Variants in ARHGEF4 observed in about 807,000 individuals in gnomAD.
ARHGEF4 encodes the protein APC-stimulated guanine nucleotide exchange factor 1.
A neutral mutation model predicts 162.0 loss-of-function variants in ARHGEF4; 119 were observed. The observed-to-expected ratio is 0.73, with a 90% CI of 0.63 to 0.86. The LOEUF is 0.86. Among genes scored for constraint, ARHGEF4 ranks in the 40% least tolerant of loss-of-function variants. The pLI, the probability that ARHGEF4 is intolerant of heterozygous loss-of-function variation, is 0.00. For synonymous variants in ARHGEF4, 1,014 were observed against 979.9 expected (o/e 1.03, Z -0.65); for missense variants, 2,488 against 2,456.0 (o/e 1.01, Z -0.28).
intron 4 of ARHGEF4, among the ~76,000 whole-genome samples, chr2:130,979,437 A>G (rs1318188942): frequency 3.9e-5 from 6 of 152,150 alleles, no homozygotes; most frequent in African/African-American, 1.4e-4. Context: ...AAAAGACTGA[A>G]TTTAAAACTT....
At chr2:130,886,057 G>A (rs527998853) in intron 1 of ARHGEF4, among the ~76,000 whole-genome samples, 1 of 152,014 alleles carries the variant, frequency 6.6e-6, no homozygotes, top group East Asian at 1.9e-4. Context: ...TTTTATCAAG[G>A]CTCTTCTTTC....
intron 2 of ARHGEF4, among the ~76,000 whole-genome samples, chr2:130,927,435 C>T (rs1330532913): frequency 5.3e-5 from 8 of 152,306 alleles, no homozygotes; most frequent in Middle Eastern, 3.4e-3. Flanking sequence ...CCACTTGGCT[C>T]GGGGACATAT....
intron 4 of ARHGEF4, among the ~76,000 whole-genome samples, chr2:130,964,449 GTC>G (rs781147819): frequency 6.6e-6 from 1 of 152,038 alleles, no homozygotes; most frequent in Non-Finnish European, 1.5e-5. Flanking sequence ...CCCACTGCCT[GTC>G]TCTCTGATCC....
At chr2:130,897,237 T>C (rs1265050877) in intron 1 of ARHGEF4, among the ~76,000 whole-genome samples, 2 of 152,052 alleles carry the variant, frequency 1.3e-5, no homozygotes, top group Admixed American at 6.5e-5. Context: ...ACAAGCAGCA[T>C]GTGGATAAGT....
At chr2:131,003,616 G>A (rs143918341) in intron 4 of ARHGEF4, among the ~76,000 whole-genome samples, 6 of 152,290 alleles carry the variant, frequency 3.9e-5, no homozygotes, top group African/African-American at 1.2e-4. Context: ...AGATGGCCCC[G>A]CAGTACGTGA....
intron 4 of ARHGEF4, among the ~76,000 whole-genome samples, chr2:130,987,199 T>C (rs1280530967): frequency 6.6e-6 from 1 of 152,172 alleles, no homozygotes; most frequent in Non-Finnish European, 1.5e-5. Flanking sequence ...GGGAGCTGGC[T>C]CTGGAAGGAG....
At chr2:130,974,614 CTA>C (rs1466652868) in intron 4 of ARHGEF4, among the ~76,000 whole-genome samples, 3 of 41,672 alleles carry the variant, frequency 7.2e-5, no homozygotes, top group Non-Finnish European at 1.4e-4. Context: ...CCACACCCAG[CTA>C]TTTTTTTTTT....
Position 130,917,084 on chromosome 2 carries a change from C to G in ARHGEF4, c.3138C>G (p.Ile1046Met). 1 of 1,550,654 alleles carries G rather than the reference C, an allele frequency of 6.4e-7. No individual in the cohort carries two copies. Among genetic ancestry groups the G allele is most frequent in the South Asian group, 1.2e-5 (1 of 84,060 alleles). Residue 1046 changes from isoleucine to methionine, a missense_variant, in exon 2 of 14, where the codon ATC becomes ATG. Coordinates refer to ENST00000409359, the MANE Select transcript of ARHGEF4 (RefSeq NM_001367493.1). ...GCGGTAGGTACCTACCTTCAGGTATCTTTCCGGAAAAGTCCTGGCTGGCGT... is the reference window on the plus strand; with the variant it reads ...GCGGTAGGTACCTACCTTCAGGTATGTTTCCGGAAAAGTCCTGGCTGGCGT... ...QEGGRYLPSG[I>M]FPEKSWLASP... is the part of the protein sequence containing the mutation.
In ARHGEF4 at chr2:131,041,361, T is replaced by C; in HGVS notation, c.4794T>C (p.Ile1598=). 6.2e-7 allele frequency: 1 copy of C among 1,613,596 alleles called. No homozygotes were observed. The change falls in exon 9 of 14, where the codon ATT becomes ATC. Residue 1598 remains isoleucine, a synonymous_variant. Transcript: ENST00000409359. ...FEACRLLQKM[I]DISLDGFLLT... ...CCTGCCGGCTGCTGCAGAAGATGAT[T>C]GACATCTCCCTGGATGGCTTCCTGC...
intron 1 of ARHGEF4, among the ~76,000 whole-genome samples, chr2:130,845,816 G>T (rs889945908): frequency 2.0e-5 from 3 of 152,214 alleles, no homozygotes; most frequent in African/African-American, 7.2e-5. Context: ...GGCCGGATGG[G>T]CCTCCAGGGA....
intron 4 of ARHGEF4, among the ~76,000 whole-genome samples, chr2:130,970,387 G>A (rs1450137875): frequency 6.6e-6 from 1 of 151,832 alleles, no homozygotes; most frequent in South Asian, 2.1e-4. Flanking sequence ...TCAGGCGTTC[G>A]AGACCAGCCT....
chr2:131,045,850 CCAGAGACCCCAGG>C, intron 13 of ARHGEF4, 175 bp from the exon 14 acceptor site: 1 of 1,465,802 alleles, frequency 6.8e-7, no homozygotes, highest in Non-Finnish European at 9.0e-7. Flanking sequence ...CAGGCCCAGG[CCAGAGACCCCAGG>C]CAGCCTGAGC....
At chr2:130,899,616 G>A (rs1230746361) in intron 1 of ARHGEF4, among the ~76,000 whole-genome samples, 1 of 152,200 alleles carries the variant, frequency 6.6e-6, no homozygotes, top group East Asian at 1.9e-4. Context: ...CTCTAAGCAG[G>A]TGAGAGGGAG....
chr2:131,043,629 G>A (rs781361307), intron 11 of ARHGEF4, 46 bp downstream of exon 11: 34 of 1,612,160 alleles, frequency 2.1e-5, no homozygotes, highest in Non-Finnish European at 2.9e-5. Flanking sequence ...AGCAAGTGGA[G>A]GGAGGGGAGC....
intron 4 of ARHGEF4, among the ~76,000 whole-genome samples, chr2:131,013,740 A>G (rs1026844853): frequency 3.3e-5 from 5 of 152,208 alleles, no homozygotes; most frequent in African/African-American, 1.2e-4. Context: ...AGCTGGGATT[A>G]CAGGCGCATG....
intron 4 of ARHGEF4, among the ~76,000 whole-genome samples, chr2:130,950,615 C>T (rs757758865): frequency 6.6e-6 from 1 of 152,040 alleles, no homozygotes; most frequent in Admixed American, 6.5e-5. Flanking sequence ...TTCACAGATA[C>T]GTGCGGTCAT....
At chr2:131,015,069 G>C (rs1688689936) in intron 4 of ARHGEF4, among the ~76,000 whole-genome samples, 2 of 152,134 alleles carry the variant, frequency 1.3e-5, no homozygotes, top group Non-Finnish European at 2.9e-5. Context: ...AGGTAGGCTG[G>C]AGTCACACAC....
intron 1 of ARHGEF4, among the ~76,000 whole-genome samples, chr2:130,886,781 C>A (rs1046833162): frequency 5.3e-5 from 8 of 151,210 alleles, no homozygotes; most frequent in African/African-American, 1.9e-4. Flanking sequence ...TAATTCAATT[C>A]CTTTAATGGT....
At chr2:131,014,451 A>G (rs181400230) in intron 4 of ARHGEF4, among the ~76,000 whole-genome samples, 1 of 152,338 alleles carries the variant, frequency 6.6e-6, no homozygotes, top group Admixed American at 6.5e-5. Context: ...GGTTAGAAAA[A>G]GTCCTGCTGG....
Sources: allele counts gnomAD v4.1 joint callset (sites outside exome capture counted in the v4.1 genomes callset), GRCh38; gene constraint gnomAD v4.1.1; transcripts MANE v1.5; gene names NCBI Gene and HGNC (gene_info 2026-07-23, HGNC 2026-07-21).